SPMIP2: variants seen among roughly 807,000 people sequenced by gnomAD.
SPMIP2 encodes sperm microtubule inner protein 2.
chr4:158,908,644 T>C, the SPMIP2 span, among the ~76,000 whole-genome samples: 32 of 152,314 alleles, frequency 2.1e-4, no homozygotes, highest in African/African-American at 7.5e-4. Context: ...TCAGTCTTCA[T>C]TTGTAGCCCC....
the SPMIP2 span, among the ~76,000 whole-genome samples, chr4:159,006,043 C>T: frequency 4.6e-5 from 7 of 152,194 alleles, no homozygotes; most frequent in African/African-American, 1.2e-4. Context: ...GGGTTACAGG[C>T]GTGAGCCACC....
chr4:159,025,411 C>T, the SPMIP2 span, among the ~76,000 whole-genome samples: 10 of 152,166 alleles, frequency 6.6e-5, no homozygotes, highest in African/African-American at 1.7e-4. Context: ...GTGATCCCCC[C>T]ACCTCGGCCT....
the SPMIP2 span, chr4:158,960,172 T>C: frequency 3.1e-6 from 2 of 651,940 alleles, no homozygotes; most frequent in South Asian, 3.9e-5. Flanking sequence ...ATCAAAAACC[T>C]ACATGAAATA....
the SPMIP2 span, among the ~76,000 whole-genome samples, chr4:159,029,684 G>T: frequency 6.6e-6 from 1 of 152,118 alleles, no homozygotes; most frequent in African/African-American, 2.4e-5. Context: ...TATTTCTCAG[G>T]GTTTTTGGAA....
At chr4:158,986,365 C>T in the SPMIP2 span, among the ~76,000 whole-genome samples, 13 of 152,114 alleles carry the variant, frequency 8.5e-5, no homozygotes, top group East Asian at 3.8e-4. Context: ...GGAGGCATCA[C>T]GCTACCTGAC....
the SPMIP2 span, among the ~76,000 whole-genome samples, chr4:159,067,325 A>G: frequency 6.6e-6 from 1 of 152,074 alleles, no homozygotes; most frequent in African/African-American, 2.4e-5. Flanking sequence ...CTGGAGTGCA[A>G]TGTCCGCCTC....
chr4:158,896,849 T>TTA, the SPMIP2 span, among the ~76,000 whole-genome samples: 346 of 151,874 alleles, frequency 2.3e-3, 3 homozygotes, highest in Non-Finnish European at 4.2e-3. Flanking sequence ...TAGTTTTTTT[T>TTA]TTATTATTAT....
At chr4:159,001,964 T>C in the SPMIP2 span, among the ~76,000 whole-genome samples, 7 of 152,180 alleles carry the variant, frequency 4.6e-5, no homozygotes, top group Non-Finnish European at 2.9e-5. Context: ...CTCCAACAAG[T>C]GTTCCCTTTG....
chr4:159,048,952 G>A, the SPMIP2 span, among the ~76,000 whole-genome samples: 9 of 151,950 alleles, frequency 5.9e-5, no homozygotes, highest in East Asian at 1.9e-4. Context: ...AGTATAAAAC[G>A]TGGGCTTTTA....
At chr4:159,067,327 G>A in the SPMIP2 span, among the ~76,000 whole-genome samples, 5 of 152,196 alleles carry the variant, frequency 3.3e-5, no homozygotes, top group South Asian at 8.3e-4. Flanking sequence ...GGAGTGCAAT[G>A]TCCGCCTCCT....
chr4:158,967,123 A>G, the SPMIP2 span, among the ~76,000 whole-genome samples: 1 of 152,128 alleles, frequency 6.6e-6, no homozygotes, highest in African/African-American at 2.4e-5. Flanking sequence ...TCAAACATAA[A>G]ATTTATTTTC....
the SPMIP2 span, among the ~76,000 whole-genome samples, chr4:159,033,845 G>GA: frequency 2.6e-5 from 4 of 151,738 alleles, no homozygotes; most frequent in South Asian, 2.1e-4. Context: ...TCACACTTTG[G>GA]AAAAAAAGAA....
the SPMIP2 span, among the ~76,000 whole-genome samples, chr4:158,921,645 CTCTTT>C: frequency 6.6e-6 from 1 of 152,080 alleles, no homozygotes; most frequent in African/African-American, 2.4e-5. Flanking sequence ...CCAATTAAAC[CTCTTT>C]TCTTTATAAA....
the SPMIP2 span, among the ~76,000 whole-genome samples, chr4:159,068,691 T>G: frequency 6.9e-6 from 1 of 145,456 alleles, no homozygotes; most frequent in South Asian, 2.2e-4. Context: ...AAATAAAAAA[T>G]AAAAAAATAA....
the SPMIP2 span, among the ~76,000 whole-genome samples, chr4:159,072,714 C>T: frequency 3.0e-4 from 45 of 152,046 alleles, no homozygotes; most frequent in Middle Eastern, 3.4e-3. Flanking sequence ...CTACCTGGCT[C>T]GGCCTCCCAA....
chr4:159,034,998 A>T, the SPMIP2 span: 4 of 1,534,066 alleles, frequency 2.6e-6, no homozygotes, highest in Non-Finnish European at 3.6e-6. Context: ...GCAAATTTAG[A>T]TCTCCTTGTG....
chr4:158,992,413 A>G, the SPMIP2 span, among the ~76,000 whole-genome samples: 3 of 152,214 alleles, frequency 2.0e-5, no homozygotes, highest in African/African-American at 7.2e-5. Flanking sequence ...GTTCCTCAAA[A>G]TGATTTAAAC....
the SPMIP2 span, chr4:159,026,330 A>G: frequency 1.6e-6 from 1 of 634,418 alleles, no homozygotes; most frequent in African/African-American, 1.8e-5. Flanking sequence ...ACCCTGGGAG[A>G]GAAGTTTGAA....
the SPMIP2 span, among the ~76,000 whole-genome samples, chr4:158,942,787 G>GAAACA: frequency 6.6e-6 from 1 of 151,888 alleles, no homozygotes; most frequent in Non-Finnish European, 1.5e-5. Context: ...AAAAAACAAA[G>GAAACA]AAACAAAACA....
Sources: gnomAD v4.1 joint callset for allele counts (sites outside exome capture counted in the v4.1 genomes callset) on GRCh38, gnomAD v4.1.1 for gene constraint, MANE v1.5 for transcripts, NCBI Gene and HGNC (gene_info 2026-07-23, HGNC 2026-07-21) for gene names.